The following CTNNA2 variants were observed in gnomAD, a reference collection of about 807,000 sequenced individuals.
CTNNA2 encodes catenin alpha-2.
A neutral mutation model predicts 101.0 loss-of-function variants in CTNNA2; 42 were observed. The observed-to-expected ratio is 0.42, with a 90% CI of 0.32 to 0.54. The LOEUF is 0.54. Ranked by LOEUF, CTNNA2 falls within the 20% of genes least tolerant of loss-of-function variation. The pLI is 0.14. For missense variants in CTNNA2, 871 were observed against 1,223.1 expected (o/e 0.71, Z 4.29); for synonymous variants, 450 against 456.4 (o/e 0.99, Z 0.18).
intron 6 of CTNNA2, among the ~76,000 whole-genome samples, chr2:79,908,517 C>G (rs1239963629): frequency 6.6e-6 from 1 of 152,164 alleles, no homozygotes; most frequent in African/African-American, 2.4e-5. Context: ...TTCTTTGCTT[C>G]AGGCAGAAAA....
chr2:80,013,709 C>T (rs940589103), intron 7 of CTNNA2, among the ~76,000 whole-genome samples: 51 of 152,316 alleles, frequency 3.3e-4, no homozygotes, highest in African/African-American at 1.1e-3. Flanking sequence ...GTAGAATCTG[C>T]GGGGTGATGG....
chr2:80,182,251 G>A (rs1705831182), intron 7 of CTNNA2, among the ~76,000 whole-genome samples: 1 of 152,182 alleles, frequency 6.6e-6, no homozygotes. Flanking sequence ...GTGTCCAAAA[G>A]CTGAAGAACT....
chr2:80,413,406 A>G (rs988494499), intron 8 of CTNNA2, among the ~76,000 whole-genome samples: 14 of 152,196 alleles, frequency 9.2e-5, no homozygotes, highest in Non-Finnish European at 1.6e-4. Context: ...TTCTCGTATA[A>G]GGAAAACTAA....
In CTNNA2 at chr2:80,547,982, G is replaced by A. The variant is rs144559353; in HGVS notation, c.1540+1919G>A. On this transcript the variant is annotated intron_variant, in intron 11 of 18. Coordinates refer to ENST00000402739, the MANE Select transcript of CTNNA2 (RefSeq NM_001282597.3). ...GCTGGTATTACAGGCGTGAGCCATC[G>A]CGCCCAGCCCATTTCTGCTTTTTTA... Among the ~76,000 whole-genome samples, 981 of 152,152 alleles carry A rather than the reference G, an allele frequency of 6.4e-3. 7 individuals carry two copies. The highest frequency in any genetic ancestry group is 0.022 in the African/African-American group (921 of 41,506).
intron 7 of CTNNA2, among the ~76,000 whole-genome samples, chr2:80,268,564 A>T (rs949498813): frequency 1.3e-5 from 2 of 152,182 alleles, no homozygotes; most frequent in Admixed American, 6.5e-5. Context: ...TTGAAAGATA[A>T]ATCTCAGACA....
chr2:79,958,330 T>G (rs915957751), intron 7 of CTNNA2, among the ~76,000 whole-genome samples: 1 of 148,854 alleles, frequency 6.7e-6, no homozygotes, highest in African/African-American at 2.4e-5. Context: ...ACAGAAATCT[T>G]CCATGGTTAA....
chr2:80,143,842 G>A (rs986905304), intron 7 of CTNNA2, among the ~76,000 whole-genome samples: 1 of 152,148 alleles, frequency 6.6e-6, no homozygotes, highest in African/African-American at 2.4e-5. Context: ...CCCAGTAAGT[G>A]TGACAACTTA....
intron 2 of CTNNA2, among the ~76,000 whole-genome samples, chr2:79,728,812 G>A (rs898207414): frequency 1.3e-5 from 2 of 152,136 alleles, no homozygotes; most frequent in African/African-American, 4.8e-5. Flanking sequence ...AGTTTTCCCA[G>A]CACCATATAT....
At chr2:79,207,576 G>C (rs1272891908) in intron 2 of CTNNA2, among the ~76,000 whole-genome samples, 1 of 152,148 alleles carries the variant, frequency 6.6e-6, no homozygotes, top group African/African-American at 2.4e-5. Flanking sequence ...AGAATCGAAT[G>C]ACACAAAAGG....
rs566004495 is a variant in CTNNA2, at chr2:79,685,080, A to T, written c.102+33422A>T. Among the ~76,000 whole-genome samples, 20 of 152,298 alleles carry T rather than the reference A, an allele frequency of 1.3e-4. No homozygotes were observed. The South Asian group carries it at 4.1e-3, about 32-fold the overall frequency. ...TTGACCTATGGAATATTATTAATAG[A>T]TTTCCTGATATTAAATATTCCTTTA... On this transcript the variant is annotated intron_variant, in intron 2 of 18. Coordinates refer to ENST00000402739, the MANE Select transcript of CTNNA2 (RefSeq NM_001282597.3).
At chr2:80,207,081 C>A (rs57801419) in intron 7 of CTNNA2, among the ~76,000 whole-genome samples, 36,642 of 152,040 alleles carry the variant, frequency 0.24, 7,177 homozygotes, top group African/African-American at 0.54. Context: ...ACGTTTCTTC[C>A]CCTGATAAAT....
At chr2:80,053,879 T>G (rs1427225551) in intron 7 of CTNNA2, among the ~76,000 whole-genome samples, 1 of 152,270 alleles carries the variant, frequency 6.6e-6, no homozygotes, top group East Asian at 1.9e-4. Flanking sequence ...TATGTAGATA[T>G]GAAAGCATGC....
intron 7 of CTNNA2, among the ~76,000 whole-genome samples, chr2:79,987,830 G>A (rs1288169542): frequency 6.6e-6 from 1 of 152,216 alleles, no homozygotes; most frequent in African/African-American, 2.4e-5. Context: ...AAAATGCCCA[G>A]AATACAGTGA....
chr2:80,203,948 C>T (rs1416955977), intron 7 of CTNNA2, among the ~76,000 whole-genome samples: 2 of 152,208 alleles, frequency 1.3e-5, no homozygotes, highest in East Asian at 3.9e-4. Flanking sequence ...CCTGCAGGCT[C>T]AACACCATGT....
intron 3 of CTNNA2, among the ~76,000 whole-genome samples, chr2:79,340,553 GC>G (rs1280013332): frequency 6.6e-6 from 1 of 152,160 alleles, no homozygotes; most frequent in Non-Finnish European, 1.5e-5. Flanking sequence ...AATACATGAG[GC>G]CGGGCGTGGT....
intron 7 of CTNNA2, among the ~76,000 whole-genome samples, chr2:80,390,430 G>A (rs1677402956): frequency 6.6e-6 from 1 of 152,180 alleles, no homozygotes; most frequent in South Asian, 2.1e-4. Flanking sequence ...TCTAAGGGAT[G>A]TGTGTTTTAC....
intron 7 of CTNNA2, among the ~76,000 whole-genome samples, chr2:80,322,136 TC>T (rs912413526): frequency 2.6e-5 from 4 of 152,196 alleles, no homozygotes; most frequent in Non-Finnish European, 4.4e-5. Context: ...TTTTTTTCTT[TC>T]TAGAGAGCAA....
chr2:80,395,612 T>C (rs961959689), intron 8 of CTNNA2, among the ~76,000 whole-genome samples: 1 of 152,210 alleles, frequency 6.6e-6, no homozygotes, highest in African/African-American at 2.4e-5. Flanking sequence ...GTCATAAGCT[T>C]AGATGTGGGT....
intron 4 of CTNNA2, among the ~76,000 whole-genome samples, chr2:79,419,283 A>G (rs1405186177): frequency 1.3e-5 from 2 of 152,224 alleles, no homozygotes; most frequent in African/African-American, 4.8e-5. Context: ...TATTTAACTC[A>G]TAAATGAGAC....
Sources: gnomAD v4.1 joint callset for allele counts (sites outside exome capture counted in the v4.1 genomes callset) on GRCh38, gnomAD v4.1.1 for gene constraint, MANE v1.5 for transcripts, NCBI Gene and HGNC (gene_info 2026-07-23, HGNC 2026-07-21) for gene names.